Variants in ROCK2 observed in about 807,000 individuals in gnomAD.
The protein encoded by ROCK2 is rho-associated protein kinase 2.
ROCK2 carries 61 observed loss-of-function variants against 195.1 expected under a neutral mutation model. The ratio of observed to expected loss-of-function variants is 0.31; its 90% CI spans 0.25 to 0.39. The LOEUF (loss-of-function observed/expected upper bound fraction) is 0.39, where lower values mean the gene tolerates loss of function less well. ROCK2 is among the 10% of genes least tolerant of loss of function. The pLI, the probability that ROCK2 is intolerant of heterozygous loss-of-function variation, is 1.00. For missense variants in ROCK2, 1,109 were observed against 1,637.4 expected (o/e 0.68, Z 5.57); for synonymous variants, 504 against 545.5 (o/e 0.92, Z 1.06).
chr2:11,232,444 T>A (rs1665053740), intron 5 of ROCK2, among the ~76,000 whole-genome samples: 1 of 152,180 alleles, frequency 6.6e-6, no homozygotes, highest in Non-Finnish European at 1.5e-5. Context: ...TATGGACATT[T>A]CTAATGGCTT....
rs1664383116 is a variant in ROCK2 at position 11,215,158 on chromosome 2, TCCC to T, written c.1690-75_1690-73del. 13 of 1,557,174 alleles carry T rather than the reference TCCC, an allele frequency of 8.3e-6. No individual in the cohort carries two copies. In the East Asian group the frequency reaches 2.7e-4, roughly 32 times the overall value. ...ATGTAATGAAAATAAGTCAATGTATTCCCCCATTAGAAACTATTTAAAATAAAC... is the reference window on the plus strand; with the variant it reads ...ATGTAATGAAAATAAGTCAATGTATTCCATTAGAAACTATTTAAAATAAAC... On this transcript the variant is annotated intron_variant, in intron 15 of 32. Coordinates refer to ENST00000315872, the MANE Select transcript of ROCK2 (RefSeq NM_004850.5).
At chr2:11,200,369 T>G (rs1025388828) in intron 23 of ROCK2, among the ~76,000 whole-genome samples, 5 of 152,204 alleles carry the variant, frequency 3.3e-5, no homozygotes, top group African/African-American at 1.2e-4. Context: ...GGGATTTAAT[T>G]TTATTCCTTT....
At chr2:11,224,708 C>T (rs1003845827) in intron 6 of ROCK2, among the ~76,000 whole-genome samples, 29 of 151,016 alleles carry the variant, frequency 1.9e-4, no homozygotes, top group Admixed American at 1.7e-3. Context: ...TGATAACTCC[C>T]GAATTTGTTG....
intron 1 of ROCK2, among the ~76,000 whole-genome samples, chr2:11,301,638 C>T (rs570151490): frequency 1.5e-3 from 229 of 151,678 alleles, no homozygotes; most frequent in African/African-American, 5.0e-3. Context: ...ATTAGCCAAG[C>T]GTGGTGGCAG....
At chr2:11,230,473 A>T (rs1333629519) in intron 5 of ROCK2, among the ~76,000 whole-genome samples, 1 of 152,144 alleles carries the variant, frequency 6.6e-6, no homozygotes. Context: ...GTACAGAAAG[A>T]ACTACATGTA....
At position 11,223,755 on chromosome 2, in the gene ROCK2, G is replaced by A. The variant is rs1664715533; in HGVS notation, c.1007+567C>T. 3.9e-5 allele frequency among the ~76,000 whole-genome samples: 6 copies of A among 152,234 alleles called. No individual in the cohort carries two copies. In the South Asian group the frequency reaches 1.0e-3, roughly 26 times the overall value. On this transcript the variant is annotated intron_variant, in intron 7 of 32. Coordinates refer to ENST00000315872, the MANE Select transcript of ROCK2 (RefSeq NM_004850.5). ...GGACATTAGAAAAAAATGGAATGGGGTGAACAAAGAAGAGAAATCAAATAG... is the reference window on the plus strand; with the variant it reads ...GGACATTAGAAAAAAATGGAATGGGATGAACAAAGAAGAGAAATCAAATAG...
intron 1 of ROCK2, among the ~76,000 whole-genome samples, chr2:11,332,152 C>A (rs1429276506): frequency 2.0e-5 from 3 of 151,598 alleles, no homozygotes; most frequent in Admixed American, 6.6e-5. Context: ...AAAAAAAAAA[C>A]CTTTTTTTAA....
chr2:11,262,017 C>T (rs972220589), intron 3 of ROCK2, among the ~76,000 whole-genome samples: 1 of 152,024 alleles, frequency 6.6e-6, no homozygotes. Context: ...CACAGAATAT[C>T]CTCAATGAAA....
At chr2:11,318,913 T>G (rs1233316530) in intron 1 of ROCK2, among the ~76,000 whole-genome samples, 5 of 152,184 alleles carry the variant, frequency 3.3e-5, no homozygotes, top group Admixed American at 6.5e-5. Flanking sequence ...CAGATAGTTG[T>G]AGATGTGTGG....
At chr2:11,239,414 A>G in intron 4 of ROCK2, among the ~76,000 whole-genome samples, 1 of 152,242 alleles carries the variant, frequency 6.6e-6, no homozygotes, top group Non-Finnish European at 1.5e-5. Context: ...GAAAATAGTT[A>G]AGTGTTGATG....
chr2:11,273,943 A>AAG lies in ROCK2; in HGVS notation c.324+12595_324+12596insCT, dbSNP rs397944831. Among the ~76,000 whole-genome samples, 291 of 150,712 alleles carry AAG rather than the reference A, an allele frequency of 1.9e-3. 1 individual carries two copies. Among genetic ancestry groups the AAG allele is most frequent in the African/African-American group, 6.9e-3 (283 of 41,110 alleles). On this transcript the variant is annotated intron_variant, in intron 3 of 32. Transcript: ENST00000315872. ...GACTCCATCTCAAAAAAAAAAAAAA[A>AAG]GACTTCGATAAAATAACTACAATGA...
rs984520078 is a variant in ROCK2 at position 11,235,810 on chromosome 2, T to A, written c.615A>T (p.Ile205=). ...CTCTGTGTATTAAACCCATGGAGTG[T>A]ATTGCATCCAGAGCAAGAACAACTT... is the stretch of plus-strand genomic sequence containing the variant. ...TAEVVLALDA[I]HSMGLIHRDV... The change falls in exon 5 of 33, where the codon ATA becomes ATT. Residue 205 remains isoleucine (I), a synonymous_variant. Transcript: ENST00000315872. This position sits in a 1 kb window ranked among gnomAD's most constrained non-coding sequence, Gnocchi z 4.2. 12 of 1,613,926 alleles carry A rather than the reference T, an allele frequency of 7.4e-6. No individual in the cohort carries two copies. Among genetic ancestry groups the A allele is most frequent in the Middle Eastern group, 1.6e-4 (1 of 6,080 alleles).
At chr2:11,203,874 G>A (rs1262144858) in intron 20 of ROCK2, among the ~76,000 whole-genome samples, 1 of 152,156 alleles carries the variant, frequency 6.6e-6, no homozygotes. Context: ...AAGCCCACTT[G>A]TAGCAAACCA....
At chr2:11,278,053 C>T (rs1289770878) in intron 3 of ROCK2, among the ~76,000 whole-genome samples, 3 of 152,192 alleles carry the variant, frequency 2.0e-5, no homozygotes, top group Non-Finnish European at 2.9e-5. Flanking sequence ...AGCTAATTAA[C>T]ATATAAGCAT....
At chr2:11,305,286 G>A (rs1003297067) in intron 1 of ROCK2, among the ~76,000 whole-genome samples, 1 of 152,198 alleles carries the variant, frequency 6.6e-6, no homozygotes, top group African/African-American at 2.4e-5. Context: ...TGAGACAAGA[G>A]AATTGCTTGA....
intron 3 of ROCK2, among the ~76,000 whole-genome samples, chr2:11,268,061 G>A (rs1023715989): frequency 2.6e-5 from 4 of 152,006 alleles, no homozygotes; most frequent in African/African-American, 4.8e-5. Flanking sequence ...AAAACCAACA[G>A]TGCTTCCGGG....
Position 11,327,372 on chromosome 2 carries a change from T to C in ROCK2, c.141+16624A>G, listed in dbSNP as rs6707847. The stretch of plus-strand genomic sequence containing the variant: ...TTTCAGGTAATGGTGAGGTCCAGAG[T>C]AGCTCCATGGGATTAAGTGAATGAA... On this transcript the variant is annotated intron_variant, in intron 1 of 32. Coordinates refer to ENST00000315872, the MANE Select transcript of ROCK2 (RefSeq NM_004850.5). 6.7e-3 allele frequency among the ~76,000 whole-genome samples: 1,019 copies of C among 152,162 alleles called. 15 individuals are homozygous for C. The highest frequency in any genetic ancestry group is 0.023 in the African/African-American group (968 of 41,486).
At chr2:11,195,126 T>C in intron 27 of ROCK2, 101 bp from the exon 28 acceptor site, 2 of 594,784 alleles carry the variant, frequency 3.4e-6, no homozygotes, top group Non-Finnish European at 5.7e-6. Flanking sequence ...ACAAATAAAA[T>C]ATATCCTTTA....
At chr2:11,312,990 T>TGGAGCAC (rs1381250340) in intron 1 of ROCK2, among the ~76,000 whole-genome samples, 2 of 151,972 alleles carry the variant, frequency 1.3e-5, no homozygotes, top group East Asian at 3.8e-4. Flanking sequence ...GATGATGAAG[T>TGGAGCAC]GGAGCACGGG....
Sources: allele counts gnomAD v4.1 joint callset (sites outside exome capture counted in the v4.1 genomes callset), GRCh38; gene constraint gnomAD v4.1.1; non-coding constraint Gnocchi (gnomAD v3.1); transcripts MANE v1.5; gene names NCBI Gene and HGNC (gene_info 2026-07-23, HGNC 2026-07-21).